RARB: variants seen among roughly 807,000 people sequenced by gnomAD.
RARB encodes the protein retinoic acid receptor beta, also known as HBV-activated protein.
A neutral mutation model predicts 51.9 loss-of-function variants in RARB; 17 were observed. The ratio of observed to expected loss-of-function variants is 0.33; its 90% CI spans 0.22 to 0.49. The LOEUF is 0.49. RARB is among the 20% of genes least tolerant of loss of function. RARB has a pLI of 0.99. For missense variants in RARB, 369 were observed against 550.8 expected, an observed-to-expected ratio of 0.67 and a Z score of 3.30; for synonymous variants, 215 against 195.4, an observed-to-expected ratio of 1.10 and a Z score of -0.84.
intron 5 of RARB, among the ~76,000 whole-genome samples, chr3:25,194,606 G>T (rs540667122): frequency 6.6e-6 from 1 of 150,490 alleles, no homozygotes; most frequent in African/African-American, 2.4e-5. Flanking sequence ...GTAAAAGGCT[G>T]TCATAGGAGC....
intron 1 of RARB, among the ~76,000 whole-genome samples, chr3:25,431,035 A>G (rs1708186927): frequency 7.5e-6 from 1 of 132,732 alleles, no homozygotes; most frequent in South Asian, 2.3e-4. Flanking sequence ...GTCTTGTGCC[A>G]TGCAGTGTTT....
rs577199038 is a variant in RARB, at chr3:24,862,770, T to A, written c.-380+4018T>A. On this transcript the variant is annotated intron_variant, in intron 2 of 11. Transcript: ENST00000383772. The stretch of plus-strand genomic sequence containing the variant: ...CTAAACCTGAAGTAGAATTAAGATA[T>A]CATCTTTATATTATACTGTACTGTA... Among the ~76,000 whole-genome samples, 12 of 152,332 alleles carry A rather than the reference T, an allele frequency of 7.9e-5. 1 individual carries two copies. In the South Asian group the frequency reaches 2.5e-3, roughly 32 times the overall value.
intron 3 of RARB, among the ~76,000 whole-genome samples, chr3:25,129,998 T>C (rs1212558527): frequency 6.6e-6 from 1 of 152,108 alleles, no homozygotes; most frequent in Non-Finnish European, 1.5e-5. Flanking sequence ...ATTTGAAAAC[T>C]CAGCGTGGAG....
chr3:25,413,224 A>G lies in RARB; in HGVS notation c.179-47969A>G, dbSNP rs146240216. The stretch of plus-strand genomic sequence containing the variant: ...TTGAACTTCGTATGAATAGAATCAG[A>G]GTTGTACTTTTTGTGTATTTTTGTC... On this transcript the variant is annotated intron_variant, in intron 5 of 11. Coordinates refer to the RARB transcript ENST00000383772. Among the ~76,000 whole-genome samples the G allele has an allele frequency of 2.6e-3, 396 of 152,206 alleles. 3 individuals carry two copies. Among genetic ancestry groups the G allele is most frequent in the African/African-American group, 8.9e-3 (370 of 41,528 alleles).
At chr3:25,078,534 A>ATTTTTTTTTTTTTTT (rs56349106) in intron 3 of RARB, among the ~76,000 whole-genome samples, 1 of 141,292 alleles carries the variant, frequency 7.1e-6, no homozygotes, top group Non-Finnish European at 1.5e-5. Context: ...CCAACTTTCT[A>ATTTTTTTTTTTTTTT]TTTTTTTTTT....
Position 25,441,377 on chromosome 3 carries a change from C to T in RARB, c.157+12489C>T, listed in dbSNP as rs1708674584. 4.3e-5 allele frequency: 11 copies of T among 253,498 alleles called. No individual in the cohort carries two copies. The South Asian group carries it at 5.3e-4, about 12-fold the overall frequency. The allele number at this position is 253,498 out of a possible 1,614,324, so 15.7% of individuals were successfully genotyped here. On this transcript the variant is annotated intron_variant, in intron 1 of 7. Coordinates refer to ENST00000330688, the MANE Select transcript of RARB (RefSeq NM_000965.5). The stretch of plus-strand genomic sequence containing the variant: ...TCAGTTCACTGGACTTCGTATAAAG[C>T]CTAATTTCACGGAGTACCCCAGTCC...
chr3:25,261,736 C>T (rs1345110721), intron 5 of RARB, among the ~76,000 whole-genome samples: 1 of 152,148 alleles, frequency 6.6e-6, no homozygotes, highest in African/African-American at 2.4e-5. Context: ...AGGGCACCTT[C>T]ATCTCCCTGG....
At position 25,506,168 on chromosome 3, in the gene RARB, G is replaced by A. The variant is rs1180354934; in HGVS notation, c.448+4845G>A. ...CTCAGGAGGCCAAGGCAGGAGAATC[G>A]CTTGAACTTGGGAGGCGGAGGTTGC... On this transcript the variant is annotated intron_variant, in intron 3 of 7. Coordinates refer to ENST00000330688, the MANE Select transcript of RARB (RefSeq NM_000965.5). Among the ~76,000 whole-genome samples the A allele has an allele frequency of 6.1e-5, 9 of 147,560 alleles. No individual in the cohort carries two copies. In the South Asian group the frequency reaches 6.5e-4, roughly 11 times the overall value.
chr3:25,182,880 A>G (rs1700889783), intron 5 of RARB, among the ~76,000 whole-genome samples: 1 of 152,050 alleles, frequency 6.6e-6, no homozygotes. Context: ...TAAAAGGGGG[A>G]AATTTAAACA....
In RARB at chr3:25,067,206, G is replaced by A. The variant is rs375147050; in HGVS notation, c.-328+7030G>A. On this transcript the variant is annotated intron_variant, in intron 3 of 11. Transcript: ENST00000383772. ...TTTGAGCGTCCTTGTCATATTAAAG[G>A]CAATTGAAACCAGAGGTTGGATGAT... Among the ~76,000 whole-genome samples the A allele has an allele frequency of 2.5e-4, 38 of 152,270 alleles. 1 individual carries two copies. The South Asian group carries it at 7.3e-3, about 29-fold the overall frequency.
chr3:25,503,608 G>A (rs1697420949), intron 3 of RARB, among the ~76,000 whole-genome samples: 1 of 152,016 alleles, frequency 6.6e-6, no homozygotes, highest in South Asian at 2.1e-4. Flanking sequence ...ATATAGAAAT[G>A]GGAAGAAAAT....
intron 5 of RARB, among the ~76,000 whole-genome samples, chr3:25,583,357 A>G (rs1001977417): frequency 2.0e-5 from 3 of 152,224 alleles, no homozygotes; most frequent in Non-Finnish European, 4.4e-5. Flanking sequence ...GGACAGACAG[A>G]CAGACCCAGG....
At chr3:25,436,482 C>T (rs921042157) in intron 1 of RARB, among the ~76,000 whole-genome samples, 2 of 152,158 alleles carry the variant, frequency 1.3e-5, no homozygotes, top group African/African-American at 4.8e-5. Flanking sequence ...AAATAACAGT[C>T]AATCAAATGA....
At chr3:25,296,603 G>C (rs1352844303) in intron 5 of RARB, among the ~76,000 whole-genome samples, 3 of 152,102 alleles carry the variant, frequency 2.0e-5, no homozygotes, top group African/African-American at 7.2e-5. Context: ...CAGTGGTAAA[G>C]GTCTGGCAGA....
At position 25,130,595 on chromosome 3, in the gene RARB, C is replaced by T. The variant is rs1317106197; in HGVS notation, c.-327-1566C>T. Among the ~76,000 whole-genome samples the T allele has an allele frequency of 4.0e-5, 6 of 151,758 alleles. No homozygotes were observed. In the South Asian group the frequency reaches 1.0e-3, roughly 26 times the overall value. On this transcript the variant is annotated intron_variant, in intron 3 of 11. Coordinates refer to the RARB transcript ENST00000383772. ...ACTCTTGCAGCCCTGGATTACATCT[C>T]CTATTAATCCTTAGTATATTTGAAA...
chr3:25,340,316 C>CT (rs1705191720), intron 5 of RARB, among the ~76,000 whole-genome samples: 1 of 152,114 alleles, frequency 6.6e-6, no homozygotes, highest in Admixed American at 6.6e-5. Context: ...TAGTGAGTTG[C>CT]TTCTGCCTCC....
exon 5 of RARB, chr3:25,174,280 G>A (rs1700699816): frequency 1.2e-6 from 1 of 854,844 alleles, no homozygotes; most frequent in Non-Finnish European, 1.7e-6. Flanking sequence ...CTTGACTTTG[G>A]CCCAGAACAC....
At chr3:25,370,470 G>A (rs573635325) in intron 5 of RARB, among the ~76,000 whole-genome samples, 174 of 152,168 alleles carry the variant, frequency 1.1e-3, no homozygotes, top group Non-Finnish European at 1.8e-3. Context: ...AGGAGTGGGA[G>A]TTTTCTGGCT....
At chr3:24,865,549 T>G (rs1282050491) in intron 2 of RARB, among the ~76,000 whole-genome samples, 1 of 152,162 alleles carries the variant, frequency 6.6e-6, no homozygotes, top group African/African-American at 2.4e-5. Context: ...AGCAGTCTGG[T>G]TCCAGAGACC....
Sources: allele counts gnomAD v4.1 joint callset (sites outside exome capture counted in the v4.1 genomes callset), GRCh38; gene constraint gnomAD v4.1.1; transcripts MANE v1.5; gene names NCBI Gene and HGNC (gene_info 2026-07-23, HGNC 2026-07-21).